The following LGSN variants were observed in gnomAD, a reference collection of about 807,000 sequenced individuals.
LGSN encodes lengsin, lens protein with glutamine synthetase domain.
A neutral mutation model predicts 19.5 loss-of-function variants in LGSN; 21 were observed. The observed-to-expected ratio is 1.07, with a 90% confidence interval of 0.76 to 1.55. LGSN has a LOEUF of 1.55. Among genes scored for constraint, LGSN ranks in the 40% most tolerant of loss-of-function variants. The pLI is 0.00. For missense variants in LGSN, 673 were observed against 608.5 expected, an observed-to-expected ratio of 1.11 and a Z score of -1.12; for synonymous variants, 257 against 215.6, an observed-to-expected ratio of 1.19 and a Z score of -1.68.
chr6:63,407,208 C>G, the LGSN span, among the ~76,000 whole-genome samples: 1 of 151,862 alleles, frequency 6.6e-6, no homozygotes, highest in Non-Finnish European at 1.5e-5. Flanking sequence ...ATACCAAAGC[C>G]GGGCAGAGAC....
At chr6:63,412,465 A>AG in the LGSN span, among the ~76,000 whole-genome samples, 70 of 118,182 alleles carry the variant, frequency 5.9e-4, no homozygotes, top group South Asian at 2.2e-3. Context: ...AAAGAAAGAA[A>AG]AAGAGAGAGA....
the LGSN span, among the ~76,000 whole-genome samples, chr6:63,420,202 CAA>C: frequency 2.8e-4 from 30 of 106,410 alleles, no homozygotes; most frequent in Admixed American, 3.0e-4. Flanking sequence ...GACTGCGTCT[CAA>C]AAAAAAAAAA....
the LGSN span, among the ~76,000 whole-genome samples, chr6:63,400,410 T>C: frequency 6.6e-6 from 1 of 152,178 alleles, no homozygotes; most frequent in South Asian, 2.1e-4. Flanking sequence ...TACCAAAAGA[T>C]GGATAAAGTG....
chr6:63,454,459 T>C, the LGSN span, among the ~76,000 whole-genome samples: 20 of 149,422 alleles, frequency 1.3e-4, no homozygotes, highest in Non-Finnish European at 1.6e-4. Flanking sequence ...TACTAGAAGT[T>C]TTTACATTTT....
the LGSN span, among the ~76,000 whole-genome samples, chr6:63,364,967 C>T: frequency 1.3e-5 from 2 of 152,038 alleles, no homozygotes; most frequent in Non-Finnish European, 1.5e-5. Flanking sequence ...GCACTAAATG[C>T]CCACAAGAGA....
chr6:63,503,960 T>A, the LGSN span, among the ~76,000 whole-genome samples: 81,320 of 151,730 alleles, frequency 0.54, 23,595 homozygotes, highest in African/African-American at 0.77. Flanking sequence ...ATATAAAAAT[T>A]TATATGCAAA....
chr6:63,406,678 A>C, the LGSN span, among the ~76,000 whole-genome samples: 2 of 152,110 alleles, frequency 1.3e-5, no homozygotes, highest in South Asian at 2.1e-4. Context: ...AACTAAAATC[A>C]GAGCATAACT....
chr6:63,309,128 AC>A (rs1258382210), intron 1 of LGSN, among the ~76,000 whole-genome samples: 2 of 152,174 alleles, frequency 1.3e-5, no homozygotes, highest in African/African-American at 4.8e-5. Context: ...CAAGTGATTT[AC>A]CATTTAAAAA....
chr6:63,389,742 A>G, the LGSN span, among the ~76,000 whole-genome samples: 2 of 152,236 alleles, frequency 1.3e-5, no homozygotes, highest in African/African-American at 4.8e-5. Flanking sequence ...CTACTAATGG[A>G]GACGATCATA....
At chr6:63,295,166 G>T (rs1767936144) in intron 1 of LGSN, 121 bp from the exon 2 acceptor site, 3 of 908,566 alleles carry the variant, frequency 3.3e-6, no homozygotes, top group Non-Finnish European at 5.0e-6. Context: ...CTTTTATAAT[G>T]ATGAAAATTT....
chr6:63,395,321 G>A, the LGSN span: 2 of 152,262 alleles, frequency 1.3e-5, no homozygotes, highest in Admixed American at 6.5e-5. Context: ...CAAGACGGAA[G>A]ACACAAATGC....
At chr6:63,528,253 G>T in the LGSN span, among the ~76,000 whole-genome samples, 2 of 152,180 alleles carry the variant, frequency 1.3e-5, no homozygotes, top group Admixed American at 6.5e-5. Flanking sequence ...CCATGGTGTA[G>T]ATGACTTGAG....
the LGSN span, chr6:63,441,539 G>T: frequency 4.8e-6 from 2 of 416,764 alleles, no homozygotes; most frequent in East Asian, 5.8e-5. Context: ...GACCACAAGT[G>T]GGAGAGGCAG....
the LGSN span, among the ~76,000 whole-genome samples, chr6:63,486,828 T>TATC: frequency 1.3e-5 from 2 of 148,534 alleles, no homozygotes; most frequent in South Asian, 2.1e-4. Flanking sequence ...ATTTTATTAT[T>TATC]ATTATTATTA....
At chr6:63,489,496 G>C in the LGSN span, among the ~76,000 whole-genome samples, 12 of 152,004 alleles carry the variant, frequency 7.9e-5, no homozygotes, top group Non-Finnish European at 1.8e-4. Flanking sequence ...AGCCTCTCAA[G>C]TAGCTGAGAT....
At chr6:63,529,693 A>T in the LGSN span, among the ~76,000 whole-genome samples, 1 of 152,192 alleles carries the variant, frequency 6.6e-6, no homozygotes. Flanking sequence ...AAGTTTTGTG[A>T]ACCAAGGGTG....
At chr6:63,563,960 T>C in the LGSN span, among the ~76,000 whole-genome samples, 1 of 152,204 alleles carries the variant, frequency 6.6e-6, no homozygotes, top group Non-Finnish European at 1.5e-5. Flanking sequence ...CATTAATATG[T>C]CTGAGGATTA....
the LGSN span, among the ~76,000 whole-genome samples, chr6:63,387,512 AT>A: frequency 6.6e-6 from 1 of 152,272 alleles, no homozygotes; most frequent in African/African-American, 2.4e-5. Context: ...GCCACTGCAG[AT>A]TTTGATGTGC....
At chr6:63,535,815 T>A in the LGSN span, among the ~76,000 whole-genome samples, 1 of 152,160 alleles carries the variant, frequency 6.6e-6, no homozygotes, top group Non-Finnish European at 1.5e-5. Context: ...CGATGGCTCA[T>A]GTTAAGTCCA....
Sources: gnomAD v4.1 joint callset for allele counts (sites outside exome capture counted in the v4.1 genomes callset) on GRCh38, gnomAD v4.1.1 for gene constraint, MANE v1.5 for transcripts, NCBI Gene and HGNC (gene_info 2026-07-23, HGNC 2026-07-21) for gene names.